MDN1: variants seen among roughly 807,000 people sequenced by gnomAD.
The protein encoded by MDN1 is midasin AAA ATPase 1.
MDN1 carries 266 observed loss-of-function variants against 669.2 expected under a neutral mutation model. The ratio of observed to expected loss-of-function variants is 0.40; its 90% CI spans 0.36 to 0.44. The LOEUF is 0.44. MDN1 is among the 20% of genes least tolerant of loss of function. The probability of loss-of-function intolerance (pLI) is 1.00; values close to 1 mark genes in which losing one functional copy is unlikely to be tolerated. For synonymous variants in MDN1, 2,385 were observed against 2,457.1 expected, an observed-to-expected ratio of 0.97 and a Z score of 0.87; for missense variants, 5,940 against 6,754.0, an observed-to-expected ratio of 0.88 and a Z score of 4.22.
chr6:89,807,065 C>T (rs292220), intron 1 of MDN1, among the ~76,000 whole-genome samples: 71,998 of 151,942 alleles, frequency 0.47, 17,324 homozygotes, highest in South Asian at 0.56. Context: ...CATACAAAAT[C>T]CTGTCTTAAG....
intron 1 of MDN1, among the ~76,000 whole-genome samples, chr6:89,817,292 A>G (rs1230417261): frequency 6.6e-6 from 1 of 152,172 alleles, no homozygotes; most frequent in Non-Finnish European, 1.5e-5. Flanking sequence ...ATCTCTTAGA[A>G]TATTTTAGAG....
At chr6:89,710,505 T>TAA (rs149449666) in intron 50 of MDN1, among the ~76,000 whole-genome samples, 176 bp downstream of exon 50, 23 of 139,650 alleles carry the variant, frequency 1.6e-4, no homozygotes, top group Admixed American at 2.2e-4. Flanking sequence ...CCTGTCCCTT[T>TAA]AAAAAAAAAA....
chr6:89,701,808 C>A, intron 54 of MDN1, 96 bp downstream of exon 54: 2 of 1,525,214 alleles, frequency 1.3e-6, no homozygotes, highest in Non-Finnish European at 1.8e-6. Flanking sequence ...AGGGAATAAA[C>A]CAAAATAAAG....
chr6:89,704,738 G>A (rs1427751409), intron 53 of MDN1, among the ~76,000 whole-genome samples: 4 of 152,126 alleles, frequency 2.6e-5, no homozygotes, highest in Non-Finnish European at 5.9e-5. Context: ...CCGCCACCAT[G>A]CCTGGCTAAT....
rs1287401379 is a variant in MDN1 at position 89,656,704 on chromosome 6, G to A, written c.15281C>T (p.Thr5094Ile). The change falls in exon 91 of 102, where the codon ACA (threonine) becomes ATA (isoleucine). Residue 5094 changes from threonine to isoleucine, a missense_variant. By Grantham distance (89) the Thr-to-Ile change is moderately conservative. This residue lies in a region of MDN1 where 2,280 missense variants were observed against 2,576.3 expected (regional missense o/e 0.88). Transcript: ENST00000369393. ...TAGCTGAGGAGTGATAGAAACCTGT[G>A]TGTTTTTCCTGGTGTGCTTCTGGGA... The part of the protein sequence containing the change: ...LASQKHTRKN[T>I]QSFKRKPGQA... 6.2e-7 allele frequency: 1 copy of A among 1,606,132 alleles called. No homozygotes were observed. Among genetic ancestry groups the A allele is most frequent in the Non-Finnish European group, 8.5e-7 (1 of 1,175,920 alleles).
intron 16 of MDN1, 32 bp downstream of exon 16, chr6:89,762,287 C>T (rs1483468342): frequency 1.3e-6 from 2 of 1,571,020 alleles, no homozygotes; most frequent in Non-Finnish European, 1.7e-6. Context: ...GCCCCATGCC[C>T]TCCCCCATGG....
At chr6:89,706,893 T>C (rs1381006685) in intron 52 of MDN1, among the ~76,000 whole-genome samples, 1 of 152,164 alleles carries the variant, frequency 6.6e-6, no homozygotes, top group Non-Finnish European at 1.5e-5. Context: ...TTTCAATTTT[T>C]ATACTTTAAT....
chr6:89,674,789 A>C (rs1811072460), intron 78 of MDN1, among the ~76,000 whole-genome samples, 200 bp from the exon 79 acceptor site: 1 of 152,180 alleles, frequency 6.6e-6, no homozygotes, highest in Non-Finnish European at 1.5e-5. Context: ...CTTTCAGGAG[A>C]AGTATCACAA....
At chr6:89,801,473 A>G (rs1767654931) in intron 2 of MDN1, among the ~76,000 whole-genome samples, 1 of 152,200 alleles carries the variant, frequency 6.6e-6, no homozygotes, top group Non-Finnish European at 1.5e-5. Context: ...CAACATAGTG[A>G]AATCCCATCT....
Position 89,710,734 on chromosome 6 carries a change from G to C in MDN1, c.7712C>G (p.Ser2571Cys). ...AACATTACTGACTGCACCTGAGAGG[G>C]AATGTGAGTAAAAATTCCTGAGAGA... is the stretch of plus-strand genomic sequence containing the variant. Reference protein sequence around the residue: ...AASLRNFYSHSLSGAVSNVFK... With the variant: ...AASLRNFYSHCLSGAVSNVFK... Residue 2571 changes from serine to cysteine, a missense_variant, in exon 50 of 102, where the codon TCC (serine) becomes TGC (cysteine). Around this residue, in one of 5 missense-constraint regions of MDN1, gnomAD observed 2,292 missense variants for 2,638.3 expected, o/e 0.87. Transcript: ENST00000369393. The C allele has an allele frequency of 6.2e-7, 1 of 1,602,876 alleles. No homozygotes were observed. Among genetic ancestry groups the C allele is most frequent in the Non-Finnish European group, 8.5e-7 (1 of 1,175,936 alleles).
intron 1 of MDN1, among the ~76,000 whole-genome samples, chr6:89,809,891 G>C (rs1768275190): frequency 6.8e-6 from 1 of 147,268 alleles, no homozygotes; most frequent in African/African-American, 2.5e-5. Flanking sequence ...CATGAGGCTA[G>C]AGTTGGGGGA....
At chr6:89,719,083 G>C in intron 41 of MDN1, 53 bp from the exon 42 acceptor site, 1 of 1,613,284 alleles carries the variant, frequency 6.2e-7, no homozygotes, top group Non-Finnish European at 8.5e-7. Flanking sequence ...AGTGGGAGCA[G>C]AAGAAACCAT....
At chr6:89,685,210 G>T (rs1324040983) in intron 70 of MDN1, among the ~76,000 whole-genome samples, 1 of 152,040 alleles carries the variant, frequency 6.6e-6, no homozygotes, top group East Asian at 1.9e-4. Flanking sequence ...GCTTGTAACA[G>T]ATGTTTTTTT....
At chr6:89,748,030 G>C (rs1816752356) in intron 26 of MDN1, among the ~76,000 whole-genome samples, 1 of 151,290 alleles carries the variant, frequency 6.6e-6, no homozygotes, top group African/African-American at 2.4e-5. Context: ...GAAAAAAGAT[G>C]ATTAATAGTA....
At chr6:89,692,295 G>A (rs1040792460) in intron 63 of MDN1, 148 bp downstream of exon 63, 7 of 676,364 alleles carry the variant, frequency 1.0e-5, no homozygotes, top group Non-Finnish European at 1.2e-5. Flanking sequence ...TAGTTAAATA[G>A]GGAAAAAGAA....
At position 89,675,474 on chromosome 6, in the gene MDN1, T is replaced by C. The variant is rs1290360858; in HGVS notation, c.12751A>G (p.Ile4251Val). 4 of 1,613,118 alleles carry C rather than the reference T, an allele frequency of 2.5e-6. No individual in the cohort carries two copies. The highest frequency in any genetic ancestry group is 1.7e-5 in the Admixed American group (1 of 59,992). The change falls in exon 78 of 102, where the codon ATC (isoleucine) becomes GTC (valine). Residue 4251 changes from isoleucine (I) to valine (V), a missense_variant. Ile to Val is a conservative substitution (Grantham distance 29, BLOSUM62 3). Around this residue, in one of 5 missense-constraint regions of MDN1, gnomAD observed 2,280 missense variants for 2,576.3 expected, o/e 0.88. Coordinates refer to ENST00000369393, the MANE Select transcript of MDN1 (RefSeq NM_014611.3). ...CTCATCAGCTGATACCTGAGGATGA[T>C]CCACTGCTCACTGAGCGTGGTCAGG... is the stretch of plus-strand genomic sequence containing the variant. ...RSLTTLSEQW[I>V]ILRNLLSCVQ...
rs116712728 is a variant in MDN1, at chr6:89,678,654, A to G, written c.12357T>C (p.Ile4119=). The change falls in exon 75 of 102, where the codon ATT becomes ATC. Residue 4119 remains isoleucine (I), a synonymous_variant. Transcript: ENST00000369393. ...KEKQRSEAKH[I]LMQKQRALSD... ...ACAAAGCTCGCTGTTTTTGCATGAG[A>G]ATGTGCTTGGCTTCTGACCGCTGCT... The G allele has an allele frequency of 1.2e-6, 2 of 1,614,066 alleles. No homozygotes were observed. The highest frequency in any genetic ancestry group is 1.7e-6 in the Non-Finnish European group (2 of 1,179,982).
rs1811545539 is a variant in MDN1 at position 89,680,629 on chromosome 6, G to A, written c.12225C>T (p.Ser4075=). ...RKMCLTFMKE[S]PLPRLVEGLD... ...GGCCCTCCACAAGGCGAGGCAGGGG[G>A]CTCTCCTTCATGAACGTCAGGCACA... Residue 4075 remains serine (S), a synonymous_variant, in exon 74 of 102, where the codon AGC becomes AGT. Transcript: ENST00000369393. 4 of 1,614,134 alleles carry A rather than the reference G, an allele frequency of 2.5e-6. No homozygotes were observed. Among genetic ancestry groups the A allele is most frequent in the Non-Finnish European group, 3.4e-6 (4 of 1,180,010 alleles).
intron 63 of MDN1, 137 bp from the exon 64 acceptor site, chr6:89,690,971 A>G (rs556089835): frequency 9.4e-7 from 1 of 1,061,718 alleles, no homozygotes; most frequent in East Asian, 2.6e-5. Flanking sequence ...CCAAGAAACT[A>G]AATTCCATGG....
Sources: gnomAD v4.1 joint callset for allele counts (sites outside exome capture counted in the v4.1 genomes callset) on GRCh38, gnomAD v4.1.1 for gene constraint, gnomAD v4.1.1 regional missense constraint, MANE v1.5 for transcripts, NCBI Gene and HGNC (gene_info 2026-07-23, HGNC 2026-07-21) for gene names.